XKR9: variants seen among roughly 807,000 people sequenced by gnomAD.
XKR9 encodes the protein XK related 9, also known as XK-related protein 9.
In XKR9, 32 loss-of-function variants were observed where a neutral mutation model predicts 32.0. The ratio of observed to expected loss-of-function variants is 1.00; its 90% CI spans 0.76 to 1.34. The LOEUF (loss-of-function observed/expected upper bound fraction) is 1.34, where lower values mean the gene tolerates loss of function less well. XKR9 is among the 40% of genes most tolerant of loss of function. The pLI is 0.00. For synonymous variants in XKR9, 168 were observed against 143.4 expected, an observed-to-expected ratio of 1.17 and a Z score of -1.22; for missense variants, 546 against 429.7, an observed-to-expected ratio of 1.27 and a Z score of -2.39.
chr8:70,742,149 A>G (rs1259302354), intron 2 of XKR9, among the ~76,000 whole-genome samples: 3 of 152,210 alleles, frequency 2.0e-5, no homozygotes, highest in Non-Finnish European at 4.4e-5. Flanking sequence ...TCCAGAGTAT[A>G]TAAATAACTT....
the XKR9 span, among the ~76,000 whole-genome samples, chr8:70,955,497 C>T: frequency 1.3e-5 from 2 of 152,146 alleles, no homozygotes; most frequent in East Asian, 3.9e-4. Flanking sequence ...CAGTTTAGGG[C>T]AGGGAACTTA....
intron 3 of XKR9, among the ~76,000 whole-genome samples, chr8:70,695,162 T>TA (rs942169987): frequency 6.7e-6 from 1 of 149,920 alleles, no homozygotes; most frequent in Non-Finnish European, 1.5e-5. Context: ...GATTTGTTTT[T>TA]AAAAAAATTT....
the XKR9 span, among the ~76,000 whole-genome samples, chr8:70,826,444 T>G: frequency 2.2e-5 from 3 of 134,198 alleles, no homozygotes; most frequent in Non-Finnish European, 5.0e-5. Flanking sequence ...TTTTGACTTT[T>G]TGATGGAAGA....
chr8:70,783,435 C>G (rs112666471), intron 2 of XKR9, among the ~76,000 whole-genome samples: 2,435 of 152,156 alleles, frequency 0.016, 36 homozygotes, highest in Non-Finnish European at 0.021. Context: ...ACCGTGTTAG[C>G]CAGAATGGTC....
intron 2 of XKR9, 85 bp downstream of exon 2, chr8:70,674,984 CAGAT>C (rs1419136340): frequency 2.0e-5 from 3 of 152,174 alleles, no homozygotes; most frequent in Non-Finnish European, 2.9e-5. Flanking sequence ...TGCTTTATCT[CAGAT>C]AGTTGTACAG....
intron 3 of XKR9, among the ~76,000 whole-genome samples, chr8:70,698,162 G>T (rs1385866802): frequency 2.6e-5 from 4 of 151,198 alleles, no homozygotes; most frequent in East Asian, 1.9e-4. Context: ...TTTTTTGAAG[G>T]TTTTTTTGTG....
intron 2 of XKR9, among the ~76,000 whole-genome samples, chr8:70,767,061 T>G (rs914814635): frequency 7.9e-5 from 12 of 152,258 alleles, no homozygotes; most frequent in Non-Finnish European, 1.6e-4. Context: ...GAAATTTTCT[T>G]TTTTTTGTTG....
At chr8:70,822,449 A>C in the XKR9 span, among the ~76,000 whole-genome samples, 1 of 151,332 alleles carries the variant, frequency 6.6e-6, no homozygotes, top group African/African-American at 2.4e-5. Flanking sequence ...CAGAAGATGG[A>C]CTTTTTTCTT....
the XKR9 span, among the ~76,000 whole-genome samples, chr8:70,978,334 G>A: frequency 6.6e-6 from 1 of 152,124 alleles, no homozygotes; most frequent in African/African-American, 2.4e-5. Context: ...TAGCATCGAT[G>A]GTCTTTAGAA....
chr8:70,998,073 A>G, the XKR9 span, among the ~76,000 whole-genome samples: 1 of 152,194 alleles, frequency 6.6e-6, no homozygotes, highest in Non-Finnish European at 1.5e-5. Context: ...AGATTAAACA[A>G]AGGTCACCAA....
intron 2 of XKR9, among the ~76,000 whole-genome samples, chr8:70,786,442 TA>T (rs1311752022): frequency 6.6e-6 from 1 of 152,190 alleles, no homozygotes; most frequent in Non-Finnish European, 1.5e-5. Context: ...ATTTGTTTTA[TA>T]TATTTAGATG....
At chr8:70,783,272 G>C (rs1341309331) in intron 2 of XKR9, among the ~76,000 whole-genome samples, 6 of 151,580 alleles carry the variant, frequency 4.0e-5, no homozygotes, top group Admixed American at 3.3e-4. Context: ...TCTCGCCCAG[G>C]CTGGAGTGCA....
At chr8:70,703,426 G>T (rs542694940) in intron 3 of XKR9, among the ~76,000 whole-genome samples, 1 of 152,178 alleles carries the variant, frequency 6.6e-6, no homozygotes, top group East Asian at 1.9e-4. Flanking sequence ...CAAGAGCAAG[G>T]TGCTGGAAGA....
At chr8:70,963,588 T>C in the XKR9 span, among the ~76,000 whole-genome samples, 62 of 152,346 alleles carry the variant, frequency 4.1e-4, no homozygotes, top group East Asian at 0.012. Context: ...CCACCACCAG[T>C]GTAAAAGTAC....
the XKR9 span, among the ~76,000 whole-genome samples, chr8:71,010,880 C>T: frequency 1.4e-3 from 219 of 152,274 alleles, 1 homozygote; most frequent in African/African-American, 5.1e-3. Context: ...TACACGAATT[C>T]AGTTAGCATG....
chr8:70,993,600 ATCTTCCTTCCTTCCTTCCTTCCTT>A, the XKR9 span, among the ~76,000 whole-genome samples: 1 of 79,200 alleles, frequency 1.3e-5, no homozygotes, highest in African/African-American at 3.2e-5. Context: ...TTCATAGGAC[ATCTTCCTTCCTTCCTTCCTTCCTT>A]CCTTCCTTCC....
chr8:70,876,459 G>T, the XKR9 span, among the ~76,000 whole-genome samples: 1 of 152,034 alleles, frequency 6.6e-6, no homozygotes, highest in Non-Finnish European at 1.5e-5. Flanking sequence ...GAGTAGGCAA[G>T]CACACTTTTT....
At chr8:70,769,218 G>A (rs575269164) in intron 2 of XKR9, among the ~76,000 whole-genome samples, 10 of 150,968 alleles carry the variant, frequency 6.6e-5, no homozygotes, top group African/African-American at 2.2e-4. Context: ...GAAATTCTGG[G>A]TTGAAAAATC....
the XKR9 span, among the ~76,000 whole-genome samples, chr8:70,946,219 C>T: frequency 6.6e-6 from 1 of 152,154 alleles, no homozygotes; most frequent in Non-Finnish European, 1.5e-5. Context: ...CTAAGTAGCT[C>T]TTTCCCAACT....
Sources: allele counts gnomAD v4.1 joint callset (sites outside exome capture counted in the v4.1 genomes callset), GRCh38; gene constraint gnomAD v4.1.1; transcripts MANE v1.5; gene names NCBI Gene and HGNC (gene_info 2026-07-23, HGNC 2026-07-21).